COMMD10: variants seen among roughly 807,000 people sequenced by gnomAD.
The protein encoded by COMMD10 is COMM domain-containing protein 10.
COMMD10 carries 33 observed loss-of-function variants against 28.9 expected under a neutral mutation model. The ratio of observed to expected loss-of-function variants is 1.14; its 90% confidence interval spans 0.87 to 1.53. The LOEUF (loss-of-function observed/expected upper bound fraction) is 1.53. Among genes scored for constraint, COMMD10 ranks in the 40% most tolerant of loss-of-function variants. COMMD10 has a pLI of 0.00. For synonymous variants in COMMD10, 110 were observed against 81.7 expected (o/e 1.35, Z -1.87); for missense variants, 310 against 233.4 (o/e 1.33, Z -2.14).
intron 4 of COMMD10, among the ~76,000 whole-genome samples, chr5:116,114,110 G>A (rs546501047): frequency 1.3e-5 from 2 of 152,116 alleles, no homozygotes; most frequent in Non-Finnish European, 2.9e-5. Context: ...GGAGGATGTG[G>A]TGAAATTATG....
intron 5 of COMMD10, among the ~76,000 whole-genome samples, chr5:116,217,578 A>T (rs1344046229): frequency 6.6e-6 from 1 of 152,220 alleles, no homozygotes; most frequent in Non-Finnish European, 1.5e-5. Context: ...CATCCCGGAA[A>T]AGTCCAGATT....
intron 5 of COMMD10, among the ~76,000 whole-genome samples, chr5:116,251,441 C>A (rs993577883): frequency 1.7e-5 from 2 of 116,016 alleles, no homozygotes; most frequent in South Asian, 7.6e-4. Context: ...ATCCCTCCCC[C>A]TTCCCCCCAC....
At chr5:116,107,666 T>C (rs1407976658) in intron 4 of COMMD10, among the ~76,000 whole-genome samples, 1 of 152,208 alleles carries the variant, frequency 6.6e-6, no homozygotes, top group Non-Finnish European at 1.5e-5. Context: ...ACCCAGCTTC[T>C]GAAGCCTACT....
At chr5:116,172,595 C>G (rs1406031109) in intron 5 of COMMD10, among the ~76,000 whole-genome samples, 1 of 152,064 alleles carries the variant, frequency 6.6e-6, no homozygotes. Context: ...TAGTCTGATA[C>G]TTTAGAAAAC....
At chr5:116,126,310 G>A (rs1751635610) in intron 4 of COMMD10, among the ~76,000 whole-genome samples, 1 of 152,160 alleles carries the variant, frequency 6.6e-6, no homozygotes, top group Non-Finnish European at 1.5e-5. Flanking sequence ...CCATGCTCAT[G>A]AATAGGAAGA....
intron 5 of COMMD10, chr5:116,188,593 TTTC>T (rs1425350186): frequency 2.0e-5 from 3 of 151,256 alleles, no homozygotes; most frequent in African/African-American, 7.3e-5. Flanking sequence ...CTTTCTTTCT[TTTC>T]TTCTTTTTCC....
chr5:116,113,620 A>T (rs1302510750), intron 4 of COMMD10, among the ~76,000 whole-genome samples: 1 of 151,736 alleles, frequency 6.6e-6, no homozygotes, highest in African/African-American at 2.4e-5. Flanking sequence ...CCTTCAGTGA[A>T]TTTTTTAGTT....
intron 5 of COMMD10, among the ~76,000 whole-genome samples, chr5:116,139,593 C>CT (rs33975864): frequency 1.1e-4 from 16 of 148,258 alleles, no homozygotes; most frequent in East Asian, 2.0e-4. Flanking sequence ...CTGCATTTTC[C>CT]TTTTTTTTTT....
chr5:116,194,506 A>T (rs181160659), intron 5 of COMMD10, among the ~76,000 whole-genome samples: 1 of 152,202 alleles, frequency 6.6e-6, no homozygotes, highest in Admixed American at 6.5e-5. Context: ...ACACTCCTGA[A>T]CTACAAAAGA....
At chr5:116,157,346 A>G (rs1490088391) in intron 5 of COMMD10, among the ~76,000 whole-genome samples, 2 of 152,170 alleles carry the variant, frequency 1.3e-5, no homozygotes, top group Non-Finnish European at 2.9e-5. Context: ...ATTGTTCACA[A>G]GTCTGTAGGT....
chr5:116,130,200 G>GC (rs1437227562), intron 4 of COMMD10, among the ~76,000 whole-genome samples: 6 of 151,970 alleles, frequency 3.9e-5, no homozygotes, highest in Admixed American at 3.3e-4. Flanking sequence ...TGTAGAATGT[G>GC]CTTACTGTAT....
intron 5 of COMMD10, among the ~76,000 whole-genome samples, chr5:116,136,533 C>G (rs1752029168): frequency 6.6e-6 from 1 of 152,170 alleles, no homozygotes; most frequent in African/African-American, 2.4e-5. Context: ...TTGGGATTCT[C>G]AAGTCCTTCT....
chr5:116,252,302 A>C (rs1242701852), intron 5 of COMMD10, among the ~76,000 whole-genome samples: 3 of 142,318 alleles, frequency 2.1e-5, no homozygotes, highest in Admixed American at 7.2e-5. Context: ...TCTTTAGTTT[A>C]ATTAGATCCC....
intron 4 of COMMD10, among the ~76,000 whole-genome samples, chr5:116,104,552 T>A (rs1293080492): frequency 6.6e-6 from 1 of 152,160 alleles, no homozygotes; most frequent in African/African-American, 2.4e-5. Flanking sequence ...TTGGTTGAGA[T>A]GATGGGGTTT....
Position 116,280,218 on chromosome 5 carries a change from G to A in COMMD10, c.511-11299G>A, listed in dbSNP as rs1209087580. Among the ~76,000 whole-genome samples the A allele has an allele frequency of 3.3e-5, 5 of 151,830 alleles. 1 individual carries two copies. Among genetic ancestry groups the A allele is most frequent in the African/African-American group, 1.2e-4 (5 of 41,168 alleles). On this transcript the variant is annotated intron_variant, in intron 5 of 6. Coordinates refer to ENST00000274458, the MANE Select transcript of COMMD10 (RefSeq NM_016144.4). ...TCACTAGTTTAACTTGCATACATAG[G>A]TGTACTTTTCAACATTCTTGAATCA...
intron 4 of COMMD10, among the ~76,000 whole-genome samples, chr5:116,124,291 A>G (rs1290432385): frequency 6.6e-6 from 1 of 152,198 alleles, no homozygotes; most frequent in Non-Finnish European, 1.5e-5. Context: ...TTGGATTCAA[A>G]GAACATCTTT....
At chr5:116,139,466 C>T (rs1752128402) in intron 5 of COMMD10, among the ~76,000 whole-genome samples, 1 of 151,642 alleles carries the variant, frequency 6.6e-6, no homozygotes, top group South Asian at 2.1e-4. Context: ...AATATGTATG[C>T]TATTCAAATC....
chr5:116,179,849 G>T (rs1747887373), intron 5 of COMMD10, among the ~76,000 whole-genome samples: 1 of 152,082 alleles, frequency 6.6e-6, no homozygotes, highest in South Asian at 2.1e-4. Flanking sequence ...TAGGAATGAA[G>T]TAGAAAACTC....
At position 116,184,456 on chromosome 5, in the gene COMMD10, C is replaced by T. The variant is rs376055314; in HGVS notation, c.510+50278C>T. Among the ~76,000 whole-genome samples, 13 of 151,696 alleles carry T rather than the reference C, an allele frequency of 8.6e-5. No individual in the cohort carries two copies. The East Asian group carries it at 2.1e-3, about 25-fold the overall frequency. On this transcript the variant is annotated intron_variant, in intron 5 of 6. Coordinates refer to ENST00000274458, the MANE Select transcript of COMMD10 (RefSeq NM_016144.4). The stretch of plus-strand genomic sequence containing the variant: ...TTTGTTTCCATGACTTTTGTTACTT[C>T]TTTATAGACATATTTTTAGTAGTTG...
Sources: gnomAD v4.1 joint callset for allele counts (sites outside exome capture counted in the v4.1 genomes callset) on GRCh38, gnomAD v4.1.1 for gene constraint, MANE v1.5 for transcripts, NCBI Gene and HGNC (gene_info 2026-07-23, HGNC 2026-07-21) for gene names.